SOX5: variants seen among roughly 807,000 people sequenced by gnomAD.
SOX5 encodes transcription factor SOX-5.
In SOX5, 9 loss-of-function variants were observed where a neutral mutation model predicts 92.0. That is an observed-to-expected ratio of 0.10 (90% CI 0.06 to 0.17). SOX5 has a LOEUF of 0.17. Among genes scored for constraint, SOX5 ranks in the 10% least tolerant of loss-of-function variants. The pLI, the probability that SOX5 is intolerant of heterozygous loss-of-function variation, is 1.00. For missense variants in SOX5, 642 were observed against 944.5 expected, an observed-to-expected ratio of 0.68 and a Z score of 4.20; for synonymous variants, 344 against 336.3, an observed-to-expected ratio of 1.02 and a Z score of -0.25.
intron 2 of SOX5, among the ~76,000 whole-genome samples, chr12:24,336,881 T>C (rs531326965): frequency 1.3e-5 from 2 of 152,320 alleles, no homozygotes; most frequent in African/African-American, 4.8e-5. Flanking sequence ...GGCCCAGTTA[T>C]TTCATAGTCA....
chr12:23,982,099 T>C (rs1343970766), intron 4 of SOX5, among the ~76,000 whole-genome samples: 1 of 152,150 alleles, frequency 6.6e-6, no homozygotes, highest in African/African-American at 2.4e-5. Flanking sequence ...TGAGAAGGAA[T>C]TGGGCACGAA....
chr12:23,554,996 G>T (rs58148862), intron 11 of SOX5, among the ~76,000 whole-genome samples: 27,986 of 152,024 alleles, frequency 0.18, 2,932 homozygotes, highest in Middle Eastern at 0.37. Flanking sequence ...TCTTTGATAG[G>T]CTAGGCTTTT....
At chr12:24,087,140 A>G (rs990259740) in intron 4 of SOX5, among the ~76,000 whole-genome samples, 3 of 152,046 alleles carry the variant, frequency 2.0e-5, no homozygotes, top group South Asian at 4.1e-4. Context: ...ACATGCTTTA[A>G]GAATTATCAA....
intron 4 of SOX5, among the ~76,000 whole-genome samples, chr12:24,025,988 T>C (rs1437845979): frequency 1.3e-5 from 2 of 152,056 alleles, no homozygotes; most frequent in Non-Finnish European, 2.9e-5. Context: ...TCACTGGATT[T>C]AAAAAATATT....
At chr12:24,504,265 G>A (rs1948507596) in intron 1 of SOX5, among the ~76,000 whole-genome samples, 1 of 152,066 alleles carries the variant, frequency 6.6e-6, no homozygotes, top group Admixed American at 6.5e-5. Context: ...AGTTCCATTT[G>A]TGCCTATTCT....
intron 6 of SOX5, among the ~76,000 whole-genome samples, chr12:23,676,772 C>T (rs931912296): frequency 1.2e-4 from 18 of 152,246 alleles, no homozygotes; most frequent in African/African-American, 3.4e-4. Flanking sequence ...AGAGGAGATG[C>T]GGAAAAACCT....
chr12:24,242,754 T>G (rs1191457813), intron 3 of SOX5, among the ~76,000 whole-genome samples: 1 of 152,168 alleles, frequency 6.6e-6, no homozygotes, highest in Non-Finnish European at 1.5e-5. Flanking sequence ...GATCCTCATG[T>G]ATAGTTAGCG....
intron 4 of SOX5, among the ~76,000 whole-genome samples, chr12:24,005,753 A>C (rs896264862): frequency 6.6e-6 from 1 of 152,202 alleles, no homozygotes; most frequent in Non-Finnish European, 1.5e-5. Context: ...GAATGATGTC[A>C]CAGATACAGC....
intron 2 of SOX5, among the ~76,000 whole-genome samples, chr12:23,881,477 C>T (rs577608954): frequency 2.0e-5 from 3 of 152,304 alleles, no homozygotes; most frequent in African/African-American, 7.2e-5. Flanking sequence ...CTCACAAACA[C>T]TGTCAAGTCC....
chr12:24,254,591 G>A (rs1940802206), intron 3 of SOX5, among the ~76,000 whole-genome samples: 1 of 151,836 alleles, frequency 6.6e-6, no homozygotes, highest in African/African-American at 2.4e-5. Flanking sequence ...AGAACAGAAG[G>A]TAGCATGGGT....
intron 1 of SOX5, among the ~76,000 whole-genome samples, chr12:23,934,474 A>G (rs1026632367): frequency 2.0e-5 from 3 of 148,856 alleles, no homozygotes; most frequent in African/African-American, 4.9e-5. Context: ...TTATATATTT[A>G]TAATATATAT....
At position 24,383,659 on chromosome 12, in the gene SOX5, G is replaced by A. The variant is rs549609891; in HGVS notation, c.-250-15020C>T. Among the ~76,000 whole-genome samples the A allele has an allele frequency of 1.3e-3, 201 of 152,212 alleles. 1 individual carries two copies. Among genetic ancestry groups the A allele is most frequent in the African/African-American group, 4.7e-3 (194 of 41,530 alleles). ...GCTTGGTTATCAGATCCAGCGTCAT[G>A]GTATCACCATGCTTCTGTTCAAGAA... On this transcript the variant is annotated intron_variant, in intron 1 of 4. Transcript: ENST00000446891.
intron 1 of SOX5, among the ~76,000 whole-genome samples, chr12:24,505,441 G>GA (rs1281422794): frequency 4.6e-5 from 7 of 151,618 alleles, no homozygotes; most frequent in Admixed American, 1.3e-4. Flanking sequence ...TGTAACAATT[G>GA]AAAAAAAATA....
chr12:24,086,544 G>A (rs1012292638), intron 4 of SOX5, among the ~76,000 whole-genome samples: 1 of 151,996 alleles, frequency 6.6e-6, no homozygotes, highest in African/African-American at 2.4e-5. Context: ...AGAAAAACTA[G>A]TTTAAAAATA....
chr12:24,485,085 T>C (rs1377922276), intron 1 of SOX5, among the ~76,000 whole-genome samples: 1 of 152,080 alleles, frequency 6.6e-6, no homozygotes, highest in African/African-American at 2.4e-5. Context: ...AGGAAAATGG[T>C]CTGCACAGAA....
chr12:23,846,282 A>C (rs2096574185), intron 2 of SOX5, 89 bp from the exon 3 acceptor site: 2 of 1,002,780 alleles, frequency 2.0e-6, no homozygotes, highest in Admixed American at 4.0e-5. Flanking sequence ...GAGAAAGCAA[A>C]AGGACAAATA....
chr12:23,755,531 G>T, intron 4 of SOX5, 107 bp downstream of exon 4: 1 of 750,332 alleles, frequency 1.3e-6, no homozygotes, highest in Non-Finnish European at 2.2e-6. Context: ...CACAGAGAAT[G>T]CAAGAAGCAG....
intron 4 of SOX5, among the ~76,000 whole-genome samples, chr12:24,170,115 C>T (rs1252037100): frequency 1.3e-5 from 2 of 152,088 alleles, no homozygotes; most frequent in Middle Eastern, 3.4e-3. Context: ...CTCAGGGGCT[C>T]GTGTCAGAGT....
At chr12:23,970,841 A>ATATATATATATATATATT in intron 4 of SOX5, among the ~76,000 whole-genome samples, 1 of 21,884 alleles carries the variant, frequency 4.6e-5, no homozygotes, top group African/African-American at 1.2e-4. Context: ...TATATATATA[A>ATATATATATATATATATT]TTTTTTTTTT....
Sources: gnomAD v4.1 joint callset for allele counts (sites outside exome capture counted in the v4.1 genomes callset) on GRCh38, gnomAD v4.1.1 for gene constraint, MANE v1.5 for transcripts, NCBI Gene and HGNC (gene_info 2026-07-23, HGNC 2026-07-21) for gene names.